Variants in RALGPS2 observed in about 807,000 individuals in gnomAD.
RALGPS2 encodes Ral GEF with PH domain and SH3 binding motif 2, also known as ras-specific guanine nucleotide-releasing factor RalGPS2.
In RALGPS2, 43 loss-of-function variants were observed where a neutral mutation model predicts 86.8. The observed-to-expected ratio is 0.50, with a 90% CI of 0.39 to 0.64. The LOEUF is 0.64. Among genes scored for constraint, RALGPS2 ranks in the 30% least tolerant of loss-of-function variants. The pLI, the probability that RALGPS2 is intolerant of heterozygous loss-of-function variation, is 0.00. For synonymous variants in RALGPS2, 243 were observed against 231.3 expected, an observed-to-expected ratio of 1.05 and a Z score of -0.46; for missense variants, 536 against 694.6, an observed-to-expected ratio of 0.77 and a Z score of 2.57.
intron 7 of RALGPS2, among the ~76,000 whole-genome samples, chr1:178,830,386 CCA>C (rs1256637351): frequency 6.6e-6 from 1 of 151,920 alleles, no homozygotes; most frequent in Non-Finnish European, 1.5e-5. Context: ...GACATATCTA[CCA>C]ATGAAACAGA....
chr1:178,863,582 A>G (rs1246564790), intron 8 of RALGPS2, among the ~76,000 whole-genome samples: 3 of 152,214 alleles, frequency 2.0e-5, no homozygotes, highest in African/African-American at 4.8e-5. Context: ...CAGTAAAGAA[A>G]GCAGTAGCAT....
intron 6 of RALGPS2, among the ~76,000 whole-genome samples, chr1:178,815,054 G>A (rs1023951187): frequency 6.6e-6 from 1 of 151,818 alleles, no homozygotes; most frequent in Non-Finnish European, 1.5e-5. Flanking sequence ...TTTATTGTGT[G>A]TGTTTTGGTT....
chr1:178,845,571 C>G (rs1421935804), intron 8 of RALGPS2, among the ~76,000 whole-genome samples: 1 of 152,174 alleles, frequency 6.6e-6, no homozygotes, highest in African/African-American at 2.4e-5. Flanking sequence ...AACTAATTAT[C>G]CCTTTCTAGC....
rs548937535 is a variant in RALGPS2 at position 178,836,682 on chromosome 1, T to G, written c.607+3132T>G. ...TAGCACCAGTCTTTCTTGGTTTCCC[T>G]TCTACATTTCTGGCTTTTATTAGCT... On this transcript the variant is annotated intron_variant, in intron 8 of 19. Transcript: ENST00000367635. Among the ~76,000 whole-genome samples, 7 of 152,364 alleles carry G rather than the reference T, an allele frequency of 4.6e-5. No homozygotes were observed. In the South Asian group the frequency reaches 6.2e-4, roughly 14 times the overall value.
At chr1:178,810,749 G>A (rs1181641806) in intron 5 of RALGPS2, among the ~76,000 whole-genome samples, 1 of 151,892 alleles carries the variant, frequency 6.6e-6, no homozygotes, top group Non-Finnish European at 1.5e-5. Flanking sequence ...CATTAAAAAT[G>A]TGAAGAAATA....
At chr1:178,885,272 G>A (rs1432378473) in intron 12 of RALGPS2, 61 bp downstream of exon 12, 7 of 1,495,694 alleles carry the variant, frequency 4.7e-6, no homozygotes, top group South Asian at 2.5e-5. Flanking sequence ...ATTTATTGTC[G>A]ATTTATTAGT....
chr1:178,876,897 A>C (rs1202153872), intron 8 of RALGPS2, among the ~76,000 whole-genome samples: 2 of 152,190 alleles, frequency 1.3e-5, no homozygotes, highest in African/African-American at 4.8e-5. Context: ...TCAGAAATTT[A>C]TTTGTTGATC....
intron 9 of RALGPS2, 85 bp from the exon 10 acceptor site, chr1:178,878,817 T>A: frequency 6.5e-7 from 1 of 1,537,994 alleles, no homozygotes; most frequent in Non-Finnish European, 8.7e-7. Context: ...GGCCTTAATT[T>A]ACCTTTAAGT....
intron 13 of RALGPS2, among the ~76,000 whole-genome samples, chr1:178,889,029 T>G (rs1659608987): frequency 6.6e-6 from 1 of 152,066 alleles, no homozygotes; most frequent in African/African-American, 2.4e-5. Context: ...CCCCATAGTT[T>G]TTTTGTTGGT....
chr1:178,897,951 C>G (rs1660018657), intron 17 of RALGPS2, among the ~76,000 whole-genome samples, 195 bp downstream of exon 17: 1 of 151,950 alleles, frequency 6.6e-6, no homozygotes, highest in South Asian at 2.1e-4. Context: ...GCACATTACG[C>G]TTATCTATTT....
At chr1:178,847,992 A>G (rs1265625556) in intron 8 of RALGPS2, among the ~76,000 whole-genome samples, 1 of 152,142 alleles carries the variant, frequency 6.6e-6, no homozygotes, top group African/African-American at 2.4e-5. Flanking sequence ...TAGAGTCTAT[A>G]TCTGTTGTAG....
intron 8 of RALGPS2, chr1:178,851,116 CG>C (rs1558149024): frequency 6.2e-7 from 1 of 1,605,756 alleles, no homozygotes; most frequent in Admixed American, 1.7e-5. Flanking sequence ...TTTAAATTGG[CG>C]AGTGTCTCTC....
intron 8 of RALGPS2, among the ~76,000 whole-genome samples, chr1:178,849,116 CA>C (rs1329940002): frequency 1.3e-5 from 2 of 152,064 alleles, no homozygotes; most frequent in African/African-American, 4.8e-5. Flanking sequence ...TCACAAAAAC[CA>C]CGAGCTAGAT....
intron 18 of RALGPS2, among the ~76,000 whole-genome samples, chr1:178,903,480 A>G (rs2102407717): frequency 6.6e-6 from 1 of 152,120 alleles, no homozygotes; most frequent in East Asian, 1.9e-4. Context: ...CTCTGTTTGT[A>G]GTCTTTTTAC....
At chr1:178,747,012 A>C in intron 1 of RALGPS2, 1 of 913,178 alleles carries the variant, frequency 1.1e-6, no homozygotes, top group Non-Finnish European at 1.8e-6. Context: ...CTCCCTTTAC[A>C]CATTTTGCTC....
chr1:178,852,982 A>G (rs766524285), intron 8 of RALGPS2: 7 of 1,580,888 alleles, frequency 4.4e-6, no homozygotes, highest in Non-Finnish European at 6.0e-6. Flanking sequence ...ACATGAGTGC[A>G]TAAATAAGTA....
chr1:178,854,245 G>A (rs542720989), intron 8 of RALGPS2, among the ~76,000 whole-genome samples: 16 of 151,984 alleles, frequency 1.1e-4, no homozygotes, highest in Admixed American at 7.9e-4. Context: ...CTGAGGGATC[G>A]ATCTACTGGA....
At chr1:178,854,527 G>A (rs1485233781) in intron 8 of RALGPS2, among the ~76,000 whole-genome samples, 2 of 152,094 alleles carry the variant, frequency 1.3e-5, no homozygotes, top group African/African-American at 4.8e-5. Context: ...CAGCCCATGA[G>A]AATACATTTC....
chr1:178,845,357 T>C (rs1656819739), intron 8 of RALGPS2, among the ~76,000 whole-genome samples: 1 of 152,190 alleles, frequency 6.6e-6, no homozygotes, highest in South Asian at 2.1e-4. Context: ...AGTACTTTTT[T>C]GTTAGAAGAG....
Sources: gnomAD v4.1 joint callset for allele counts (sites outside exome capture counted in the v4.1 genomes callset) on GRCh38, gnomAD v4.1.1 for gene constraint, MANE v1.5 for transcripts, NCBI Gene and HGNC (gene_info 2026-07-23, HGNC 2026-07-21) for gene names.